The following FLRT1 variants were observed in gnomAD, a reference collection of about 807,000 sequenced individuals.
The protein encoded by FLRT1 is leucine-rich repeat transmembrane protein FLRT1.
Under a neutral mutation model 30.9 loss-of-function variants are expected in FLRT1, and 14 were observed. That is an observed-to-expected ratio of 0.45 (90% confidence interval 0.30 to 0.71). The LOEUF (loss-of-function observed/expected upper bound fraction) is 0.71. Among genes scored for constraint, FLRT1 ranks in the 30% least tolerant of loss-of-function variants. The pLI, the probability that FLRT1 is intolerant of heterozygous loss-of-function variation, is 0.08. For missense variants in FLRT1, 737 were observed against 949.2 expected, an observed-to-expected ratio of 0.78 and a Z score of 2.94; for synonymous variants, 368 against 430.4, an observed-to-expected ratio of 0.85 and a Z score of 1.80.
At chr11:64,058,821 C>T (rs974137052) in intron 1 of FLRT1, among the ~76,000 whole-genome samples, 2 of 152,222 alleles carry the variant, frequency 1.3e-5, no homozygotes, top group East Asian at 1.9e-4. Flanking sequence ...GGTGGGAGGG[C>T]GTGAAGAGGG....
At chr11:64,115,452 C>T in intron 2 of FLRT1, among the ~76,000 whole-genome samples, 1 of 151,854 alleles carries the variant, frequency 6.6e-6, no homozygotes, top group East Asian at 1.9e-4. Flanking sequence ...ATTTCCCACA[C>T]AACTCGGAAC....
At chr11:64,098,146 ACT>A (rs1944610160) in intron 1 of FLRT1, among the ~76,000 whole-genome samples, 1 of 151,620 alleles carries the variant, frequency 6.6e-6, no homozygotes, top group Non-Finnish European at 1.5e-5. Context: ...CAGCGAGAAC[ACT>A]CTTTCTAAAC....
intron 1 of FLRT1, among the ~76,000 whole-genome samples, chr11:64,054,645 A>G (rs1334804572): frequency 6.6e-6 from 1 of 152,082 alleles, no homozygotes; most frequent in Non-Finnish European, 1.5e-5. Flanking sequence ...TGGGTGGAGT[A>G]CTTGGTGAGG....
At chr11:64,073,531 ATTAAC>A (rs1451993350) in intron 1 of FLRT1, among the ~76,000 whole-genome samples, 3 of 152,174 alleles carry the variant, frequency 2.0e-5, no homozygotes, top group African/African-American at 7.2e-5. Context: ...GCACTTACTA[ATTAAC>A]TTAACTAATT....
At chr11:64,093,799 G>T (rs1290162008) in intron 1 of FLRT1, among the ~76,000 whole-genome samples, 1 of 152,218 alleles carries the variant, frequency 6.6e-6, no homozygotes, top group Non-Finnish European at 1.5e-5. Flanking sequence ...GCCTGGCCAG[G>T]GTGGAAGGAG....
At chr11:64,043,071 C>T (rs1943518794) in intron 1 of FLRT1, among the ~76,000 whole-genome samples, 1 of 152,214 alleles carries the variant, frequency 6.6e-6, no homozygotes, top group Non-Finnish European at 1.5e-5. Context: ...TACTTATCAT[C>T]TGAGTACCCT....
chr11:64,116,741 G>A lies in FLRT1; in HGVS notation c.474G>A (p.Leu158=), dbSNP rs1944989960. Residue 158 remains leucine (L), a synonymous_variant, in exon 3 of 3, where the codon CTG becomes CTA. Transcript: ENST00000682287. ...ARIPLLEKLH[L]DDNSVSTVSI... ...TCCCGCTGCTGGAGAAGCTGCACCTGGATGACAACTCCGTGTCCACCGTCA... is the reference window on the plus strand; with the variant it reads ...TCCCGCTGCTGGAGAAGCTGCACCTAGATGACAACTCCGTGTCCACCGTCA... 6.2e-7 allele frequency: 1 copy of A among 1,613,574 alleles called. No homozygotes were observed. The highest frequency in any genetic ancestry group is 8.5e-7 in the Non-Finnish European group (1 of 1,180,034).
chr11:64,113,232 T>C (rs1944892673), intron 2 of FLRT1, among the ~76,000 whole-genome samples: 1 of 152,238 alleles, frequency 6.6e-6, no homozygotes, highest in Non-Finnish European at 1.5e-5. Flanking sequence ...GACTTAAATA[T>C]TAGGAAAGTT....
At chr11:64,104,989 GACACTTCCCAC>G (rs1440209006) in intron 2 of FLRT1, among the ~76,000 whole-genome samples, 2 of 152,092 alleles carry the variant, frequency 1.3e-5, no homozygotes, top group African/African-American at 4.8e-5. Context: ...GATGGAAAAT[GACACTTCCCAC>G]GCTCTTCCTC....
chr11:64,115,179 C>T (rs1306290389), intron 2 of FLRT1, among the ~76,000 whole-genome samples: 2 of 152,202 alleles, frequency 1.3e-5, no homozygotes, highest in African/African-American at 4.8e-5. Flanking sequence ...AGACACCTTC[C>T]TCACTGAGAC....
intron 1 of FLRT1, among the ~76,000 whole-genome samples, chr11:64,099,233 C>T (rs180732469): frequency 1.7e-3 from 263 of 152,374 alleles, no homozygotes; most frequent in African/African-American, 6.0e-3. Flanking sequence ...CCCCACTCCC[C>T]GAAGGCTGGG....
At chr11:64,102,799 G>C (rs1312881034) in intron 1 of FLRT1, among the ~76,000 whole-genome samples, 3 of 152,188 alleles carry the variant, frequency 2.0e-5, no homozygotes, top group African/African-American at 7.2e-5. Context: ...GCTGGGTACA[G>C]TGGCTCATGC....
In FLRT1 at chr11:64,117,328, G is replaced by A. The variant is rs771319324; in HGVS notation, c.1061G>A (p.Gly354Asp). Reference sequence around the variant, plus strand: ...CGGGCGGCCGTGGTCAACGTGCGGGGCCTCATGTGCCAGGGCCCTGAGAAG... The same window carrying A: ...CGGGCGGCCGTGGTCAACGTGCGGGACCTCATGTGCCAGGGCCCTGAGAAG... ...KARAAVVNVR[G>D]LMCQGPEKVR... The change falls in exon 3 of 3, where the codon GGC becomes GAC. Residue 354 changes from glycine (G) to aspartate (D), a missense_variant. By Grantham distance (94) the Gly-to-Asp change is moderately conservative. Transcript: ENST00000682287. 1.2e-6 allele frequency: 2 copies of A among 1,614,090 alleles called. No homozygotes were observed. Among genetic ancestry groups the A allele is most frequent in the East Asian group, 2.2e-5 (1 of 44,880 alleles).
Position 64,036,803 on chromosome 11 carries a change from C to T in FLRT1, c.-1038+644C>T, listed in dbSNP as rs990902673. 5.3e-5 allele frequency among the ~76,000 whole-genome samples: 8 copies of T among 152,144 alleles called. No individual in the cohort carries two copies. Among genetic ancestry groups the T allele is most frequent in the African/African-American group, 1.4e-4 (6 of 41,420 alleles). The stretch of plus-strand genomic sequence containing the variant: ...GAGACCATGGTGCCTGGGCGGGGGG[C>T]GGCGGGCACCCCCCATCCCCCAGCT... On this transcript the variant is annotated intron_variant, in intron 1 of 2. Coordinates refer to ENST00000682287, the MANE Select transcript of FLRT1 (RefSeq NM_013280.5). This position sits in a 1 kb window ranked among gnomAD's most constrained non-coding sequence, Gnocchi z 5.6.
intron 1 of FLRT1, among the ~76,000 whole-genome samples, chr11:64,056,855 AACT>A (rs1004654983): frequency 7.3e-5 from 11 of 151,442 alleles, no homozygotes; most frequent in African/African-American, 2.4e-4. Flanking sequence ...CTGCCTTCTA[AACT>A]CATCTACACT....
chr11:64,037,196 C>T (rs995288639), intron 1 of FLRT1, among the ~76,000 whole-genome samples: 1 of 152,186 alleles, frequency 6.6e-6, no homozygotes, highest in African/African-American at 2.4e-5. Flanking sequence ...CCTACGCCCT[C>T]GGGTTGGATG....
intron 1 of FLRT1, among the ~76,000 whole-genome samples, chr11:64,053,821 G>C (rs1421890489): frequency 6.6e-6 from 1 of 152,172 alleles, no homozygotes; most frequent in Non-Finnish European, 1.5e-5. Flanking sequence ...CCTGCCCGCA[G>C]ATGGGGAGGG....
At chr11:64,072,446 C>T (rs1324324379) in intron 1 of FLRT1, among the ~76,000 whole-genome samples, 1 of 151,966 alleles carries the variant, frequency 6.6e-6, no homozygotes, top group Non-Finnish European at 1.5e-5. Flanking sequence ...ATAATAATTA[C>T]ATAACATTGG....
At chr11:64,100,547 C>T (rs1252019229) in intron 1 of FLRT1, among the ~76,000 whole-genome samples, 1 of 152,196 alleles carries the variant, frequency 6.6e-6, no homozygotes, top group Non-Finnish European at 1.5e-5. Flanking sequence ...AGAAGGGTGG[C>T]CACTGGGGGT....
Sources: gnomAD v4.1 joint callset for allele counts (sites outside exome capture counted in the v4.1 genomes callset) on GRCh38, gnomAD v4.1.1 for gene constraint, Gnocchi (gnomAD v3.1) non-coding constraint, MANE v1.5 for transcripts, NCBI Gene and HGNC (gene_info 2026-07-23, HGNC 2026-07-21) for gene names.